AGBL1: variants seen among roughly 807,000 people sequenced by gnomAD.
AGBL1 encodes the protein AGBL carboxypeptidase 1, also known as cytosolic carboxypeptidase 4.
AGBL1 carries 130 observed loss-of-function variants against 118.9 expected under a neutral mutation model. The ratio of observed to expected loss-of-function variants is 1.09; its 90% confidence interval spans 0.95 to 1.26. AGBL1 has a LOEUF of 1.26. Ranked by LOEUF, AGBL1 falls within the 50% of genes most tolerant of loss-of-function variation. The pLI, the probability that AGBL1 is intolerant of heterozygous loss-of-function variation, is 0.00. For missense variants in AGBL1, 1,584 were observed against 1,298.1 expected (o/e 1.22, Z -3.38); for synonymous variants, 555 against 478.9 (o/e 1.16, Z -2.08).
chr15:86,799,452 C>A (rs1457224755), intron 22 of AGBL1, among the ~76,000 whole-genome samples: 1 of 152,104 alleles, frequency 6.6e-6, no homozygotes, highest in Non-Finnish European at 1.5e-5. Flanking sequence ...AAGCAAGTGC[C>A]AAGAGGTAAC....
At chr15:86,340,812 C>G (rs754286797) in intron 17 of AGBL1, among the ~76,000 whole-genome samples, 9 of 152,070 alleles carry the variant, frequency 5.9e-5, no homozygotes, top group Non-Finnish European at 1.0e-4. Context: ...CTGATGATCC[C>G]CAAAGGAGGT....
At chr15:86,769,183 G>A (rs2078137955) in intron 22 of AGBL1, among the ~76,000 whole-genome samples, 1 of 138,444 alleles carries the variant, frequency 7.2e-6, no homozygotes, top group African/African-American at 2.8e-5. Flanking sequence ...GAGGGAGAGA[G>A]AGAGAGACAG....
chr15:86,440,043 A>G (rs2082044252), intron 18 of AGBL1, among the ~76,000 whole-genome samples: 1 of 152,236 alleles, frequency 6.6e-6, no homozygotes, highest in Non-Finnish European at 1.5e-5. Context: ...TAATAACAGC[A>G]TTAAGAACTA....
chr15:86,583,430 C>A (rs2084202102), intron 21 of AGBL1, among the ~76,000 whole-genome samples: 1 of 152,034 alleles, frequency 6.6e-6, no homozygotes, highest in South Asian at 2.1e-4. Context: ...TGAGAACATG[C>A]AATATTTGAT....
At chr15:86,344,108 G>C (rs1213640387) in intron 17 of AGBL1, among the ~76,000 whole-genome samples, 2 of 152,358 alleles carry the variant, frequency 1.3e-5, no homozygotes, top group East Asian at 3.9e-4. Flanking sequence ...AGGGCCATTT[G>C]AGTTGAATGA....
chr15:86,438,047 A>T (rs2082019522), intron 18 of AGBL1, among the ~76,000 whole-genome samples: 2 of 152,140 alleles, frequency 1.3e-5, no homozygotes, highest in Admixed American at 1.3e-4. Context: ...CTGGGATTAC[A>T]GATGCGTGCC....
chr15:86,125,645 C>G (rs945472436), intron 1 of AGBL1, among the ~76,000 whole-genome samples: 2 of 152,174 alleles, frequency 1.3e-5, no homozygotes, highest in Non-Finnish European at 2.9e-5. Flanking sequence ...ACTGTATGTC[C>G]TGGTGACTTT....
At chr15:86,186,470 G>A (rs1228694498) in intron 5 of AGBL1, among the ~76,000 whole-genome samples, 1 of 152,230 alleles carries the variant, frequency 6.6e-6, no homozygotes, top group Non-Finnish European at 1.5e-5. Context: ...AGAAATCAAT[G>A]TCAGTGTAAA....
chr15:86,869,787 C>T (rs775061269), intron 22 of AGBL1, among the ~76,000 whole-genome samples: 1 of 152,172 alleles, frequency 6.6e-6, no homozygotes, highest in Non-Finnish European at 1.5e-5. Context: ...CTTCACATAC[C>T]TTATCCCAAG....
At chr15:86,305,192 G>T (rs555578226) in intron 17 of AGBL1, 1 of 152,164 alleles carries the variant, frequency 6.6e-6, no homozygotes, top group Non-Finnish European at 1.5e-5. Flanking sequence ...GATATAAGAC[G>T]GTGCTAGCCA....
chr15:86,746,670 T>C (rs543746943), intron 22 of AGBL1, among the ~76,000 whole-genome samples: 2 of 152,216 alleles, frequency 1.3e-5, no homozygotes, highest in East Asian at 1.9e-4. Context: ...GAAGCACTTA[T>C]TGGATGTTTT....
intron 18 of AGBL1, among the ~76,000 whole-genome samples, chr15:86,461,958 C>T (rs2082339707): frequency 6.6e-6 from 1 of 152,206 alleles, no homozygotes; most frequent in South Asian, 2.1e-4. Flanking sequence ...TCTTACCATA[C>T]AACCCCTCCC....
chr15:86,753,954 T>C (rs2141258604), intron 22 of AGBL1, among the ~76,000 whole-genome samples: 1 of 152,208 alleles, frequency 6.6e-6, no homozygotes, highest in East Asian at 1.9e-4. Flanking sequence ...ATACCTCCTA[T>C]GTCCTAAGCA....
At chr15:86,927,505 G>A (rs1436816545) in intron 23 of AGBL1, among the ~76,000 whole-genome samples, 5 of 151,992 alleles carry the variant, frequency 3.3e-5, no homozygotes, top group Non-Finnish European at 5.9e-5. Context: ...GAGGATCACT[G>A]GAGCCCAGGA....
At chr15:86,266,841 C>T (rs2079081578) in intron 12 of AGBL1, 149 bp from the exon 13 acceptor site, 1 of 689,508 alleles carries the variant, frequency 1.5e-6, no homozygotes, top group Non-Finnish European at 2.4e-6. Flanking sequence ...GCGGAGGTTG[C>T]AGTGAGCTGA....
In AGBL1 at chr15:86,785,836, T is replaced by C. The variant is rs1003599684; in HGVS notation, c.3158+111400T>C. Among the ~76,000 whole-genome samples the C allele has an allele frequency of 3.3e-5, 5 of 152,128 alleles. No homozygotes were observed. In the East Asian group the frequency reaches 9.7e-4, roughly 29 times the overall value. On this transcript the variant is annotated intron_variant, in intron 22 of 22. Transcript: ENST00000614907. The stretch of plus-strand genomic sequence containing the variant: ...TAGGGCAACTGAGTAGTCAGAGAGC[T>C]CTTTCTAGTGGGGTACAGAGGGTAA...
chr15:86,995,761 GT>G (rs2081373943), intron 24 of AGBL1, among the ~76,000 whole-genome samples: 1 of 152,086 alleles, frequency 6.6e-6, no homozygotes, highest in Non-Finnish European at 1.5e-5. Flanking sequence ...TTCTGTGTTT[GT>G]TTGGTTTGAT....
At chr15:86,770,567 G>A (rs753165051) in intron 22 of AGBL1, among the ~76,000 whole-genome samples, 88 of 152,088 alleles carry the variant, frequency 5.8e-4, no homozygotes, top group Non-Finnish European at 1.0e-3. Context: ...CACCGCAATT[G>A]CACGATGGAG....
intron 22 of AGBL1, among the ~76,000 whole-genome samples, chr15:86,895,105 C>CTTTT (rs981050522): frequency 1.3e-5 from 2 of 151,712 alleles, no homozygotes; most frequent in African/African-American, 4.9e-5. Context: ...CCTTCCCTTT[C>CTTTT]TTTTTTCCTT....
Sources: gnomAD v4.1 joint callset for allele counts (sites outside exome capture counted in the v4.1 genomes callset) on GRCh38, gnomAD v4.1.1 for gene constraint, MANE v1.5 for transcripts, NCBI Gene and HGNC (gene_info 2026-07-23, HGNC 2026-07-21) for gene names.